Variants in TUBD1 observed in about 807,000 individuals in gnomAD.
The protein encoded by TUBD1 is tubulin delta 1, also known as tubulin delta chain.
A neutral mutation model predicts 51.2 loss-of-function variants in TUBD1; 38 were observed. The ratio of observed to expected loss-of-function variants is 0.74; its 90% CI spans 0.57 to 0.97. The LOEUF (loss-of-function observed/expected upper bound fraction) is 0.97, where lower values mean the gene tolerates loss of function less well. Ranked by LOEUF, TUBD1 falls within the 50% of genes least tolerant of loss-of-function variation. The pLI is 0.00. For synonymous variants in TUBD1, 169 were observed against 178.2 expected, an observed-to-expected ratio of 0.95 and a Z score of 0.41; for missense variants, 489 against 538.4, an observed-to-expected ratio of 0.91 and a Z score of 0.91.
At chr17:59,887,484 T>C (rs1480782152) in intron 2 of TUBD1, among the ~76,000 whole-genome samples, 1 of 152,068 alleles carries the variant, frequency 6.6e-6, no homozygotes, top group East Asian at 1.9e-4. Flanking sequence ...AGGTACAAAG[T>C]ACCATGGGTA....
chr17:59,891,646 A>G (rs951107188), intron 1 of TUBD1, among the ~76,000 whole-genome samples: 5 of 152,120 alleles, frequency 3.3e-5, no homozygotes, highest in Non-Finnish European at 7.4e-5. Context: ...TGTTTAAAAC[A>G]AAACATTCTC....
intron 5 of TUBD1, among the ~76,000 whole-genome samples, chr17:59,876,730 G>A (rs1054253008): frequency 5.9e-5 from 9 of 152,034 alleles, no homozygotes; most frequent in Admixed American, 3.9e-4. Flanking sequence ...GGCCTCAAGC[G>A]ATCTTCCCAC....
chr17:59,885,127 C>A, intron 3 of TUBD1: 1 of 348,574 alleles, frequency 2.9e-6, no homozygotes, highest in South Asian at 2.4e-5. Context: ...GACATGCTCT[C>A]AGGGTCCTAT....
chr17:59,868,874 T>G (rs2039844594), intron 6 of TUBD1, among the ~76,000 whole-genome samples: 1 of 150,768 alleles, frequency 6.6e-6, no homozygotes, highest in South Asian at 2.1e-4. Flanking sequence ...AGAAAATTAG[T>G]CACTTATGGT....
At chr17:59,861,883 G>C (rs183419572) in intron 8 of TUBD1, among the ~76,000 whole-genome samples, 1 of 151,532 alleles carries the variant, frequency 6.6e-6, no homozygotes, top group African/African-American at 2.4e-5. Flanking sequence ...GGCCAGGCTG[G>C]TCTCAAACTC....
chr17:59,881,127 G>T lies in TUBD1; in HGVS notation c.321-17C>A. 1 of 1,568,144 alleles carries T rather than the reference G, an allele frequency of 6.4e-7. No individual in the cohort carries two copies. Among genetic ancestry groups the T allele is most frequent in the Non-Finnish European group, 8.8e-7 (1 of 1,138,776 alleles). On this transcript the variant is annotated splice_polypyrimidine_tract_variant and intron_variant, in intron 3 of 8. Coordinates refer to ENST00000325752, the MANE Select transcript of TUBD1 (RefSeq NM_016261.4). Reference sequence around the variant, plus strand: ...ACAGAGTAACTATGCAATGGCAAAAGAAACAAACACAAACACTTTTCAATT... The same window carrying T: ...ACAGAGTAACTATGCAATGGCAAAATAAACAAACACAAACACTTTTCAATT...
chr17:59,880,248 G>A (rs2040421515), intron 4 of TUBD1, among the ~76,000 whole-genome samples: 2 of 151,086 alleles, frequency 1.3e-5, no homozygotes, highest in South Asian at 2.1e-4. Context: ...TAGTAGAAAC[G>A]GGGTTTCACC....
chr17:59,890,798 A>G, intron 2 of TUBD1, 33 bp downstream of exon 2: 1 of 1,538,866 alleles, frequency 6.5e-7, no homozygotes, highest in Non-Finnish European at 8.7e-7. Context: ...TGGTTAGATC[A>G]GAGTAAAGGA....
At chr17:59,881,172 CAGAG>C (rs1287882436) in intron 3 of TUBD1, 62 bp from the exon 4 acceptor site, 4 of 1,358,914 alleles carry the variant, frequency 2.9e-6, no homozygotes, top group African/African-American at 2.9e-5. Flanking sequence ...ATATGTAATT[CAGAG>C]AGAAAGATAC....
At chr17:59,868,678 A>T (rs1026315020) in intron 6 of TUBD1, among the ~76,000 whole-genome samples, 3 of 152,016 alleles carry the variant, frequency 2.0e-5, no homozygotes, top group Non-Finnish European at 4.4e-5. Flanking sequence ...CTCTACTAAA[A>T]ATACAAAAAT....
intron 6 of TUBD1, among the ~76,000 whole-genome samples, chr17:59,871,728 G>C (rs1228729859): frequency 6.6e-6 from 1 of 152,166 alleles, no homozygotes; most frequent in Non-Finnish European, 1.5e-5. Flanking sequence ...ATGCCTTCCA[G>C]AAGATGTCTC....
intron 2 of TUBD1, among the ~76,000 whole-genome samples, chr17:59,888,964 G>A (rs375718750): frequency 2.0e-5 from 3 of 150,422 alleles, no homozygotes; most frequent in Admixed American, 6.6e-5. Flanking sequence ...CACCCACCTC[G>A]GCCTCCCAAA....
chr17:59,864,157 A>T (rs1568278462), intron 7 of TUBD1, among the ~76,000 whole-genome samples: 2 of 145,212 alleles, frequency 1.4e-5, no homozygotes, highest in Non-Finnish European at 3.1e-5. Context: ...ATTATTACTA[A>T]TTTTTTTTTT....
At chr17:59,868,108 C>CAAAAAAAAA (rs35401242) in intron 6 of TUBD1, among the ~76,000 whole-genome samples, 3 of 26,810 alleles carry the variant, frequency 1.1e-4, no homozygotes, top group African/African-American at 1.5e-4. Context: ...ACTAAAAATA[C>CAAAAAAAAA]AAAAAAAAAA....
rs2040030425 is a variant in TUBD1, at chr17:59,872,610, TTAG to T, written c.934+1926_934+1928del. 2.0e-5 allele frequency among the ~76,000 whole-genome samples: 3 copies of T among 152,090 alleles called. No homozygotes were observed. The South Asian group carries it at 6.2e-4, about 32-fold the overall frequency. ...AAAACTGATCTAACTCCCAAGTATG[TTAG>T]AAGAATGAAGGTAATTGTGTTTGTA... is the stretch of plus-strand genomic sequence containing the variant. On this transcript the variant is annotated intron_variant, in intron 6 of 8. Transcript: ENST00000325752.
intron 3 of TUBD1, chr17:59,885,445 C>T (rs1272631754): frequency 6.9e-7 from 1 of 1,451,654 alleles, no homozygotes. Flanking sequence ...GGATATGTAC[C>T]CTGTCTACCA....
chr17:59,886,465 A>G (rs551418513), intron 2 of TUBD1: 6 of 425,878 alleles, frequency 1.4e-5, no homozygotes, highest in African/African-American at 1.0e-4. Flanking sequence ...TGGGCCTAAA[A>G]GAGTACCTGG....
chr17:59,877,890 A>C (rs2040298485), intron 5 of TUBD1, among the ~76,000 whole-genome samples: 2 of 152,140 alleles, frequency 1.3e-5, no homozygotes, highest in South Asian at 4.1e-4. Context: ...GAAGAGAAAG[A>C]ATCCTGAAGA....
chr17:59,873,660 C>T (rs1030545383), intron 6 of TUBD1, among the ~76,000 whole-genome samples: 56 of 150,686 alleles, frequency 3.7e-4, no homozygotes, highest in Non-Finnish European at 4.7e-4. Context: ...GTCAGGAGTT[C>T]GAGACCAGCC....
Sources: allele counts gnomAD v4.1 joint callset (sites outside exome capture counted in the v4.1 genomes callset), GRCh38; gene constraint gnomAD v4.1.1; transcripts MANE v1.5; gene names NCBI Gene and HGNC (gene_info 2026-07-23, HGNC 2026-07-21).